ZNF607: variants seen among roughly 807,000 people sequenced by gnomAD.
ZNF607 encodes the protein zinc finger protein 607.
In ZNF607, 5 loss-of-function variants were observed where a neutral mutation model predicts 12.8. The ratio of observed to expected loss-of-function variants is 0.39; its 90% CI spans 0.20 to 0.82. The LOEUF (loss-of-function observed/expected upper bound fraction) is 0.82, where lower values mean the gene tolerates loss of function less well. Ranked by LOEUF, ZNF607 falls within the 40% of genes least tolerant of loss-of-function variation. The pLI is 0.39. For missense variants in ZNF607, 851 were observed against 859.2 expected (o/e 0.99, Z 0.12); for synonymous variants, 287 against 276.2 (o/e 1.04, Z -0.39).
At position 37,717,761 on chromosome 19, in the gene ZNF607, G is replaced by A. The variant is rs1350409669; in HGVS notation, c.-75+1508C>T. Among the ~76,000 whole-genome samples the A allele has an allele frequency of 2.3e-4, 31 of 134,502 alleles. 1 individual carries two copies. In the Admixed American group the frequency reaches 2.5e-3, roughly 11 times the overall value. 88.2% of individuals were successfully genotyped at this position (134,502 alleles called of 152,430 possible). On this transcript the variant is annotated intron_variant, in intron 1 of 4. Transcript: ENST00000355202. Reference sequence around the variant, plus strand: ...GCGGAGGTTGCAGTGAGCAGAGATCGCACCATTGCACTCCAGCCTGGGCAA... The same window carrying A: ...GCGGAGGTTGCAGTGAGCAGAGATCACACCATTGCACTCCAGCCTGGGCAA...
rs187253160 is a variant in ZNF607, at chr19:37,697,234, G to T, written c.*806C>A. On this transcript the variant is annotated 3_prime_UTR_variant, in exon 5 of 5. Transcript: ENST00000355202. The stretch of plus-strand genomic sequence containing the variant: ...ATTGGTTTTTGTACACATGGGATGA[G>T]AAAGTGAGTCCCTTCCCCTACCACA... 1.6e-5 allele frequency: 12 copies of T among 751,562 alleles called. No individual in the cohort carries two copies. The highest frequency in any genetic ancestry group is 7.4e-6 in the Non-Finnish European group (3 of 406,468). 46.6% of individuals were successfully genotyped at this position (751,562 alleles called of 1,614,324 possible). A position where few individuals can be genotyped will look rare whatever the true frequency, so the allele number is the denominator to read the frequency against.
chr19:37,702,057 G>A (rs994681699), intron 4 of ZNF607, among the ~76,000 whole-genome samples: 5 of 152,016 alleles, frequency 3.3e-5, no homozygotes, highest in Middle Eastern at 3.4e-3. Context: ...AGGCTGAGGC[G>A]GGTGGATCAC....
intron 1 of ZNF607, chr19:37,718,928 C>T (rs898031182): frequency 3.3e-5 from 5 of 152,234 alleles, no homozygotes; most frequent in African/African-American, 1.2e-4. Context: ...ATCCCAATAC[C>T]TACCACCATG....
rs60588112 is a variant in ZNF607 at position 37,698,684 on chromosome 19, C to T, written c.1447G>A (p.Gly483Arg). 4.2e-5 allele frequency: 68 copies of T among 1,613,206 alleles called. No homozygotes were observed. The African/African-American group carries it at 8.8e-4, about 21-fold the overall frequency. ...GEKPYVCQEC[G>R]KGFSYSHKLT... The stretch of plus-strand genomic sequence containing the variant: ...TTATGGCTATAACTAAAACCCTTCC[C>T]ACACTCTTGACATACATAGGGTTTC... The change falls in exon 5 of 5, where the codon GGG becomes AGG. Residue 483 changes from glycine (G) to arginine (R), a missense_variant. Coordinates refer to ENST00000355202, the MANE Select transcript of ZNF607 (RefSeq NM_032689.5).
rs1487469627 is a variant in ZNF607, at chr19:37,697,061, G to A, written c.*979C>T. 5 of 738,622 alleles carry A rather than the reference G, an allele frequency of 6.8e-6. No homozygotes were observed. The highest frequency in any genetic ancestry group is 2.6e-5 in the East Asian group (1 of 38,728). The allele number at this position is 738,622 out of a possible 1,614,324, so 45.8% of individuals were successfully genotyped here. On this transcript the variant is annotated 3_prime_UTR_variant, in exon 5 of 5. Transcript: ENST00000355202. ...TAATGAACGGCAGCACACACTCATC[G>A]TAGTCCTCTCCAATGCTGGTGAAGA...
chr19:37,710,975 G>A (rs1192269560), intron 2 of ZNF607, among the ~76,000 whole-genome samples: 1 of 152,156 alleles, frequency 6.6e-6, no homozygotes, highest in Admixed American at 6.6e-5. Flanking sequence ...ATTTCTTCAA[G>A]CATCAAGTAC....
At chr19:37,716,237 T>G (rs1202130218) in intron 1 of ZNF607, among the ~76,000 whole-genome samples, 1 of 152,070 alleles carries the variant, frequency 6.6e-6, no homozygotes, top group African/African-American at 2.4e-5. Flanking sequence ...TGGAAACAAA[T>G]AAGAGAACTA....
intron 1 of ZNF607, among the ~76,000 whole-genome samples, chr19:37,715,890 T>C (rs1045483003): frequency 1.3e-5 from 2 of 152,152 alleles, no homozygotes; most frequent in Non-Finnish European, 2.9e-5. Context: ...AAATCATAGA[T>C]TACCATGCTT....
chr19:37,706,016 C>T (rs1334923433), intron 4 of ZNF607, among the ~76,000 whole-genome samples: 1 of 152,072 alleles, frequency 6.6e-6, no homozygotes, highest in African/African-American at 2.4e-5. Context: ...GCCTGGCCAA[C>T]ATGGTGAAAC....
chr19:37,716,202 T>C (rs1164943544), intron 1 of ZNF607, among the ~76,000 whole-genome samples: 1 of 152,014 alleles, frequency 6.6e-6, no homozygotes, highest in East Asian at 1.9e-4. Flanking sequence ...TACTGAGCAA[T>C]GGAGAAACAG....
In ZNF607 at chr19:37,698,186, C is replaced by T. The variant is rs1419781145; in HGVS notation, c.1945G>A (p.Glu649Lys). ...HADGNPYMCE[E>K]CGKAFNSSHE... Reference sequence around the variant, plus strand: ...CTACTATTAAAAGCTTTCCCACACTCTTCACACATATAGGGATTTCCATCA... The same window carrying T: ...CTACTATTAAAAGCTTTCCCACACTTTTCACACATATAGGGATTTCCATCA... Residue 649 changes from glutamate (E) to lysine (K), a missense_variant, in exon 5 of 5, where the codon GAG (glutamate) becomes AAG (lysine). Transcript: ENST00000355202. 1 of 1,614,174 alleles carries T rather than the reference C, an allele frequency of 6.2e-7. No homozygotes were observed.
At position 37,698,483 on chromosome 19, in the gene ZNF607, C is replaced by CTT. The variant is rs752021500; in HGVS notation, c.1646_1647dup (p.Ala550LysfsTer175). 18 of 1,613,840 alleles carry CTT rather than the reference C, an allele frequency of 1.1e-5. No homozygotes were observed. Among genetic ancestry groups the CTT allele is most frequent in the Non-Finnish European group, 1.5e-5 (18 of 1,179,990 alleles). Reference sequence around the variant, plus strand: ...TCAGCGCTATGAATATTCTGATGGGCTTTAAGTACAGAAATGAACCTAAAA... The same window carrying CTT: ...TCAGCGCTATGAATATTCTGATGGGCTTTTTAAGTACAGAAATGAACCTAAAA... On this transcript the variant is annotated frameshift_variant, in exon 5 of 5. Coordinates refer to ENST00000355202, the MANE Select transcript of ZNF607 (RefSeq NM_032689.5). LOFTEE classifies it low-confidence loss of function (END_TRUNC).
intron 4 of ZNF607, among the ~76,000 whole-genome samples, chr19:37,701,125 C>T: frequency 6.6e-6 from 1 of 151,930 alleles, no homozygotes; most frequent in African/African-American, 2.4e-5. Context: ...AAAATGTGCA[C>T]ATAAGATATT....
intron 3 of ZNF607, among the ~76,000 whole-genome samples, chr19:37,709,273 T>C (rs2045111702): frequency 6.6e-6 from 1 of 152,216 alleles, no homozygotes; most frequent in African/African-American, 2.4e-5. Flanking sequence ...CTTTCAATAA[T>C]AACGGCAATT....
chr19:37,703,621 A>T (rs1243404466), intron 4 of ZNF607, among the ~76,000 whole-genome samples: 4 of 152,206 alleles, frequency 2.6e-5, no homozygotes, highest in African/African-American at 9.6e-5. Flanking sequence ...GAATCAATAT[A>T]ACAAACCAAA....
At chr19:37,701,030 A>G (rs2145227374) in intron 4 of ZNF607, among the ~76,000 whole-genome samples, 1 of 152,316 alleles carries the variant, frequency 6.6e-6, no homozygotes, top group Non-Finnish European at 1.5e-5. Flanking sequence ...ATTGTCATAG[A>G]TGAAATACAA....
chr19:37,717,760 C>T (rs570866537), intron 1 of ZNF607, among the ~76,000 whole-genome samples: 87 of 138,724 alleles, frequency 6.3e-4, no homozygotes, highest in African/African-American at 2.2e-3. Flanking sequence ...GAGCAGAGAT[C>T]GCACCATTGC....
intron 4 of ZNF607, among the ~76,000 whole-genome samples, chr19:37,704,997 G>C (rs983451190): frequency 6.6e-6 from 1 of 151,602 alleles, no homozygotes; most frequent in Non-Finnish European, 1.5e-5. Flanking sequence ...CTCAGTCTTC[G>C]CCTTAACAGA....
chr19:37,707,061 A>G (rs1182806771), intron 4 of ZNF607, among the ~76,000 whole-genome samples: 1 of 152,176 alleles, frequency 6.6e-6, no homozygotes, highest in African/African-American at 2.4e-5. Flanking sequence ...CCTGTCTTCA[A>G]GTGATCTGCC....
Sources: gnomAD v4.1 joint callset for allele counts (sites outside exome capture counted in the v4.1 genomes callset) on GRCh38, gnomAD v4.1.1 for gene constraint, MANE v1.5 for transcripts, NCBI Gene and HGNC (gene_info 2026-07-23, HGNC 2026-07-21) for gene names.